The following RALYL variants were observed in gnomAD, a reference collection of about 807,000 sequenced individuals.
RALYL encodes RNA-binding Raly-like protein.
In RALYL, 29 loss-of-function variants were observed where a neutral mutation model predicts 35.1. The observed-to-expected ratio is 0.83, with a 90% confidence interval of 0.61 to 1.13. The LOEUF (loss-of-function observed/expected upper bound fraction) is 1.13, where lower values mean the gene tolerates loss of function less well. Among genes scored for constraint, RALYL ranks in the 50% most tolerant of loss-of-function variants. RALYL has a pLI of 0.00. For synonymous variants in RALYL, 120 were observed against 127.6 expected (o/e 0.94, Z 0.40); for missense variants, 359 against 360.4 (o/e 1.00, Z 0.03).
At chr8:84,604,273 A>C (rs559458528) in intron 2 of RALYL, among the ~76,000 whole-genome samples, 1 of 152,260 alleles carries the variant, frequency 6.6e-6, no homozygotes, top group African/African-American at 2.4e-5. Flanking sequence ...AAGTATACTA[A>C]GTAACATGTG....
At chr8:84,490,792 T>C (rs2055202993) in intron 1 of RALYL, among the ~76,000 whole-genome samples, 2 of 151,700 alleles carry the variant, frequency 1.3e-5, no homozygotes, top group Admixed American at 1.3e-4. Context: ...TCTAGGATGG[T>C]AACTGACTGT....
At chr8:84,492,951 G>A (rs2055515449) in intron 1 of RALYL, among the ~76,000 whole-genome samples, 1 of 151,972 alleles carries the variant, frequency 6.6e-6, no homozygotes, top group African/African-American at 2.4e-5. Context: ...TGTGCAGAAT[G>A]TGCAGGTTTG....
intron 2 of RALYL, among the ~76,000 whole-genome samples, chr8:84,769,473 C>T (rs1472627366): frequency 1.3e-5 from 2 of 152,118 alleles, no homozygotes; most frequent in Non-Finnish European, 2.9e-5. Context: ...AACCTAATGT[C>T]TCTGGCCCAG....
chr8:84,311,090 A>AAAAAAAAAAAAAAAAAT (rs1554614840), intron 1 of RALYL, among the ~76,000 whole-genome samples: 14 of 99,720 alleles, frequency 1.4e-4, no homozygotes, highest in Non-Finnish European at 2.1e-4. Context: ...AAAAAAAAAA[A>AAAAAAAAAAAAAAAAAT]ATGTATATTA....
intron 5 of RALYL, among the ~76,000 whole-genome samples, chr8:84,862,003 A>G (rs202182570): frequency 1.3e-5 from 2 of 152,222 alleles, no homozygotes; most frequent in East Asian, 3.9e-4. Context: ...CATAATTTCA[A>G]CAAATTGCAT....
chr8:84,524,287 G>A (rs191720441), intron 1 of RALYL, among the ~76,000 whole-genome samples: 1,898 of 152,206 alleles, frequency 0.012, 38 homozygotes, highest in African/African-American at 0.043. Context: ...AAAAGTGGGC[G>A]AAGGACATGA....
chr8:84,825,821 T>C (rs1829554432), intron 4 of RALYL, among the ~76,000 whole-genome samples: 1 of 152,128 alleles, frequency 6.6e-6, no homozygotes, highest in Non-Finnish European at 1.5e-5. Flanking sequence ...TGAGTCAAGA[T>C]TGTGCCACTG....
At chr8:84,196,972 G>C (rs1462774198) in intron 1 of RALYL, among the ~76,000 whole-genome samples, 1 of 152,126 alleles carries the variant, frequency 6.6e-6, no homozygotes, top group East Asian at 1.9e-4. Context: ...TGGAGGTAAG[G>C]AAATAATGCA....
Position 84,873,559 on chromosome 8 carries a change from A to AT in RALYL, c.685+170dup, listed in dbSNP as rs375622382. 5.3e-3 allele frequency among the ~76,000 whole-genome samples: 801 copies of AT among 152,024 alleles called. 5 individuals are homozygous for AT. The highest frequency in any genetic ancestry group is 0.018 in the African/African-American group (759 of 41,464). On this transcript the variant is annotated intron_variant, in intron 7 of 8. Transcript: ENST00000521268. The stretch of plus-strand genomic sequence containing the variant: ...CCCAGAGTTGCAATAATAAAATGTG[A>AT]TTTTTTTTCTTTTAGAGAACATGAA...
intron 1 of RALYL, among the ~76,000 whole-genome samples, chr8:84,404,999 A>G (rs1426267777): frequency 1.3e-5 from 2 of 152,232 alleles, no homozygotes; most frequent in Non-Finnish European, 2.9e-5. Flanking sequence ...AAGAGTGAAG[A>G]TCATAACAAA....
intron 2 of RALYL, among the ~76,000 whole-genome samples, chr8:84,619,002 C>A (rs1820570073): frequency 6.8e-6 from 1 of 146,242 alleles, no homozygotes; most frequent in African/African-American, 2.6e-5. Flanking sequence ...CTGAGGAGAG[C>A]TTTACTTCCA....
intron 1 of RALYL, among the ~76,000 whole-genome samples, chr8:84,396,743 G>A (rs1861827958): frequency 6.6e-6 from 1 of 151,644 alleles, no homozygotes; most frequent in Non-Finnish European, 1.5e-5. Context: ...TTTTCAGTAA[G>A]CTTTTAAGGT....
At chr8:84,703,027 A>G (rs975333938) in intron 2 of RALYL, among the ~76,000 whole-genome samples, 3 of 152,124 alleles carry the variant, frequency 2.0e-5, no homozygotes, top group Admixed American at 6.6e-5. Flanking sequence ...CCTTCTCTTC[A>G]GCTTCTCTCT....
intron 2 of RALYL, among the ~76,000 whole-genome samples, chr8:84,551,680 A>G (rs1348772790): frequency 1.3e-5 from 2 of 152,146 alleles, no homozygotes; most frequent in Non-Finnish European, 2.9e-5. Flanking sequence ...TTATGTTGGA[A>G]AACAGCAAAA....
chr8:84,306,855 T>C (rs1841915053), intron 1 of RALYL, among the ~76,000 whole-genome samples: 1 of 152,210 alleles, frequency 6.6e-6, no homozygotes, highest in South Asian at 2.1e-4. Flanking sequence ...TCCTGGTGTT[T>C]AGATCAGGAT....
At chr8:84,243,459 G>A (rs1828408224) in intron 1 of RALYL, among the ~76,000 whole-genome samples, 1 of 150,208 alleles carries the variant, frequency 6.7e-6, no homozygotes, top group African/African-American at 2.4e-5. Context: ...TCCTATCCAT[G>A]AGCATGGAAT....
At chr8:84,270,780 A>G (rs1403156005) in intron 1 of RALYL, among the ~76,000 whole-genome samples, 1 of 152,220 alleles carries the variant, frequency 6.6e-6, no homozygotes, top group East Asian at 1.9e-4. Flanking sequence ...ATAGGTAAGT[A>G]AATGTTAAAA....
intron 1 of RALYL, among the ~76,000 whole-genome samples, chr8:84,445,458 C>T (rs2048751232): frequency 6.6e-6 from 1 of 151,760 alleles, no homozygotes; most frequent in South Asian, 2.1e-4. Flanking sequence ...TCGCACACTG[C>T]CAGAACAATA....
intron 2 of RALYL, among the ~76,000 whole-genome samples, chr8:84,726,688 G>T (rs141915757): frequency 1.3e-5 from 2 of 152,010 alleles, no homozygotes; most frequent in Admixed American, 1.3e-4. Flanking sequence ...CCAATAATTT[G>T]CTATATTTGT....
Sources: allele counts gnomAD v4.1 joint callset (sites outside exome capture counted in the v4.1 genomes callset), GRCh38; gene constraint gnomAD v4.1.1; transcripts MANE v1.5; gene names NCBI Gene and HGNC (gene_info 2026-07-23, HGNC 2026-07-21).